HYDIN: variants seen among roughly 807,000 people sequenced by gnomAD.
The protein encoded by HYDIN is axonemal central pair apparatus protein HYDIN.
A neutral mutation model predicts 403.9 loss-of-function variants in HYDIN; 132 were observed. That is an observed-to-expected ratio of 0.33 (90% confidence interval 0.28 to 0.38). The LOEUF (loss-of-function observed/expected upper bound fraction) is 0.38. HYDIN is among the 10% of genes least tolerant of loss of function. The pLI is 1.00. For synonymous variants in HYDIN, 1,202 were observed against 1,891.7 expected (o/e 0.64, Z 9.46); for missense variants, 2,827 against 5,009.5 (o/e 0.56, Z 13.15).
intron 13 of HYDIN, among the ~76,000 whole-genome samples, chr16:71,070,398 A>C (rs1469618316): frequency 6.7e-6 from 1 of 150,082 alleles, no homozygotes; most frequent in Non-Finnish European, 1.5e-5. Flanking sequence ...AACTCACCTC[A>C]ACCTCCACCT....
chr16:70,848,964 T>C (rs60809176), intron 75 of HYDIN, among the ~76,000 whole-genome samples: 17,764 of 150,598 alleles, frequency 0.12, 1,258 homozygotes, highest in African/African-American at 0.19. Flanking sequence ...GCTGCAGTGT[T>C]AAACAATTAC....
intron 3 of HYDIN, among the ~76,000 whole-genome samples, chr16:71,183,166 G>A (rs1000335140): frequency 6.6e-5 from 10 of 151,932 alleles, no homozygotes; most frequent in African/African-American, 1.7e-4. Flanking sequence ...GGTGAGAAGC[G>A]GGATGATTAA....
chr16:70,933,913 G>A (rs2077423833), intron 45 of HYDIN, among the ~76,000 whole-genome samples: 5 of 152,000 alleles, frequency 3.3e-5, no homozygotes, highest in Admixed American at 3.3e-4. Context: ...CTGAAGTCAC[G>A]CATGGGATGG....
intron 79 of HYDIN, among the ~76,000 whole-genome samples, chr16:70,833,488 C>T (rs559381551): frequency 0.018 from 2,229 of 125,696 alleles, 101 homozygotes; most frequent in African/African-American, 0.068. Flanking sequence ...TGGGGGATGG[C>T]GACAATCCCT....
chr16:71,175,373 C>G (rs1223531090), intron 5 of HYDIN, among the ~76,000 whole-genome samples: 2 of 151,998 alleles, frequency 1.3e-5, no homozygotes, highest in East Asian at 3.9e-4. Flanking sequence ...TCAATGACAA[C>G]AATATCACCA....
At chr16:70,972,957 A>C (rs1379869543) in intron 35 of HYDIN, among the ~76,000 whole-genome samples, 2 of 151,762 alleles carry the variant, frequency 1.3e-5, no homozygotes, top group African/African-American at 2.4e-5. Context: ...CAAACCCCCC[A>C]CCCCCAGTTT....
In HYDIN at chr16:71,067,208, C is replaced by T. The variant is rs553870686; in HGVS notation, c.2075+82G>A. 114 of 681,828 alleles carry T rather than the reference C, an allele frequency of 1.7e-4. No individual in the cohort carries two copies. In the East Asian group the frequency reaches 3.1e-3, roughly 19 times the overall value. 42.2% of individuals were successfully genotyped at this position (681,828 alleles called of 1,614,324 possible). A position where few individuals can be genotyped will look rare whatever the true frequency, so the allele number is the denominator to read the frequency against. On this transcript the variant is annotated intron_variant, in intron 15 of 85. Coordinates refer to ENST00000393567, the MANE Select transcript of HYDIN (RefSeq NM_001270974.2). ...GACAAACTCAGTGTGCTTGGGTTGG[C>T]AGGCCAGCTGCCTTCTGGGAGGCAG... is the stretch of plus-strand genomic sequence containing the variant.
At chr16:71,188,568 T>C (rs1204579996) in intron 1 of HYDIN, among the ~76,000 whole-genome samples, 1 of 152,186 alleles carries the variant, frequency 6.6e-6, no homozygotes, top group Non-Finnish European at 1.5e-5. Context: ...AAAATGATGA[T>C]GTAACAGTTA....
At chr16:70,810,048 A>G in intron 84 of HYDIN, 41 bp from the exon 85 acceptor site, 1 of 1,577,594 alleles carries the variant, frequency 6.3e-7, no homozygotes, top group Non-Finnish European at 8.7e-7. Context: ...CTGAAAGGCT[A>G]ATTCATCACC....
intron 20 of HYDIN, 140 bp downstream of exon 20, chr16:71,027,462 A>G (rs1188440982): frequency 2.0e-6 from 3 of 1,532,488 alleles, no homozygotes; most frequent in Admixed American, 2.1e-5. Context: ...GGATGCTACT[A>G]TGGTAACTCA....
At chr16:70,958,091 A>G (rs1355251728) in intron 39 of HYDIN, among the ~76,000 whole-genome samples, 1 of 151,756 alleles carries the variant, frequency 6.6e-6, no homozygotes, top group Non-Finnish European at 1.5e-5. Flanking sequence ...TATACGTTCC[A>G]AATGAGGTGT....
At chr16:70,926,378 G>T (rs1037402167) in intron 45 of HYDIN, among the ~76,000 whole-genome samples, 16 of 151,512 alleles carry the variant, frequency 1.1e-4, no homozygotes, top group African/African-American at 3.9e-4. Context: ...ACCAAACACC[G>T]CATGTTCTCA....
intron 67 of HYDIN, among the ~76,000 whole-genome samples, chr16:70,864,706 T>C (rs1431565278): frequency 1.3e-5 from 2 of 151,244 alleles, no homozygotes; most frequent in East Asian, 1.9e-4. Context: ...ATAATTTTTA[T>C]AAAGTGAAGA....
chr16:70,818,666 C>T, intron 83 of HYDIN, 94 bp from the exon 84 acceptor site: 1 of 615,360 alleles, frequency 1.6e-6, no homozygotes, highest in Non-Finnish European at 2.9e-6. Flanking sequence ...TCTTTTTTAG[C>T]ATTGTTTGGC....
At chr16:71,000,738 G>A (rs1597505952) in intron 23 of HYDIN, among the ~76,000 whole-genome samples, 1 of 151,764 alleles carries the variant, frequency 6.6e-6, no homozygotes, top group East Asian at 2.0e-4. Context: ...TGACCCCCCG[G>A]TCAGATAAAT....
chr16:70,865,472 G>A (rs1236984291), intron 67 of HYDIN: 14 of 407,664 alleles, frequency 3.4e-5, no homozygotes, highest in Non-Finnish European at 6.4e-5. Flanking sequence ...GTGTCTGAAT[G>A]TGGGTGAAGG....
chr16:70,811,058 T>G (rs1276403991), intron 84 of HYDIN, among the ~76,000 whole-genome samples: 1 of 152,198 alleles, frequency 6.6e-6, no homozygotes, highest in African/African-American at 2.4e-5. Context: ...AGACTTATTT[T>G]CAATTTCATA....
At chr16:70,923,589 T>C (rs1597332568) in intron 45 of HYDIN, among the ~76,000 whole-genome samples, 1 of 113,374 alleles carries the variant, frequency 8.8e-6, no homozygotes. Flanking sequence ...GATCACGAGG[T>C]CAGGAGATCT....
intron 18 of HYDIN, among the ~76,000 whole-genome samples, chr16:71,056,831 T>TA (rs1429577691): frequency 1.4e-5 from 2 of 145,304 alleles, no homozygotes; most frequent in Admixed American, 6.8e-5. Context: ...TTTGGTACTG[T>TA]ACGTCAAGTT....
Sources: gnomAD v4.1 joint callset for allele counts (sites outside exome capture counted in the v4.1 genomes callset) on GRCh38, gnomAD v4.1.1 for gene constraint, MANE v1.5 for transcripts, NCBI Gene and HGNC (gene_info 2026-07-23, HGNC 2026-07-21) for gene names.